HERC1: variants seen among roughly 807,000 people sequenced by gnomAD.
The protein encoded by HERC1 is HECT and RLD domain containing E3 ubiquitin protein ligase family member 1, also known as probable E3 ubiquitin-protein ligase HERC1.
HERC1 carries 160 observed loss-of-function variants against 554.3 expected under a neutral mutation model. That is an observed-to-expected ratio of 0.29 (90% confidence interval 0.25 to 0.33). The LOEUF (loss-of-function observed/expected upper bound fraction) is 0.33. Among genes scored for constraint, HERC1 ranks in the 10% least tolerant of loss-of-function variants. The probability of loss-of-function intolerance (pLI) is 1.00; values close to 1 mark genes in which losing one functional copy is unlikely to be tolerated. For synonymous variants in HERC1, 2,175 were observed against 2,131.7 expected (o/e 1.02, Z -0.56); for missense variants, 4,919 against 5,918.5 (o/e 0.83, Z 5.54).
In HERC1 at chr15:63,609,288, C is replaced by T. The variant is rs562051534; in HGVS notation, c.14401-22G>A. 125 of 1,585,580 alleles carry T rather than the reference C, an allele frequency of 7.9e-5. No individual in the cohort carries two copies. The East Asian group carries it at 2.0e-3, about 25-fold the overall frequency. On this transcript the variant is annotated intron_variant, in intron 77 of 77. Transcript: ENST00000443617. ...AAGGCTGTGGAGAGAGACCCAGAGC[C>T]GTGACTGGGGACATCAGAGTGCCAT...
At chr15:63,743,000 T>C (rs1394636000) in intron 12 of HERC1, among the ~76,000 whole-genome samples, 1 of 152,178 alleles carries the variant, frequency 6.6e-6, no homozygotes, top group African/African-American at 2.4e-5. Flanking sequence ...CAAAATATAG[T>C]TGGGAAGTAT....
At chr15:63,716,547 AT>A in intron 21 of HERC1, 74 bp from the exon 22 acceptor site, 1 of 1,226,784 alleles carries the variant, frequency 8.2e-7, no homozygotes, top group Non-Finnish European at 1.1e-6. Context: ...AAAACCTTTA[AT>A]TTTTTATCAT....
Position 63,734,894 on chromosome 15 carries a change from T to C in HERC1, c.2521-45A>G, listed in dbSNP as rs1186502249. On this transcript the variant is annotated intron_variant, in intron 12 of 77. Transcript: ENST00000443617. The surrounding 1 kb of genome is among the most constrained non-coding windows in gnomAD (Gnocchi z 4.6). ...GTATACTGATTGGCCTGGTTCTTAG[T>C]TTTTAATAAAAACACACTTAAAGCG... The C allele has an allele frequency of 2.6e-6, 4 of 1,556,496 alleles. No individual in the cohort carries two copies. The highest frequency in any genetic ancestry group is 1.2e-5 in the South Asian group (1 of 84,672).
chr15:63,817,081 T>C (rs1689306717), intron 1 of HERC1, among the ~76,000 whole-genome samples: 1 of 152,090 alleles, frequency 6.6e-6, no homozygotes, highest in Non-Finnish European at 1.5e-5. Context: ...GGGAAACTTA[T>C]CAGGGCAAAC....
In HERC1 at chr15:63,674,453, G is replaced by A. The variant is rs771810276; in HGVS notation, c.7735C>T (p.Pro2579Ser). 34 of 1,613,766 alleles carry A rather than the reference G, an allele frequency of 2.1e-5. No individual in the cohort carries two copies. In the Admixed American group the frequency reaches 5.2e-4, roughly 25 times the overall value. The part of the protein sequence containing the change: ...HMVKRAVMRS[P>S]IKRALGLADL... The stretch of plus-strand genomic sequence containing the variant: ...GCTAATCCCAATGCTCTCTTTATGG[G>A]TGACCGCATGACTGCTCGCTTCACC... The change falls in exon 38 of 78, where the codon CCC (proline) becomes TCC (serine). Residue 2579 changes from proline to serine, a missense_variant. This residue lies in a region of HERC1 where 1,963 missense variants were observed against 2,228.6 expected (regional missense o/e 0.88). Coordinates refer to ENST00000443617, the MANE Select transcript of HERC1 (RefSeq NM_003922.4).
Position 63,656,070 on chromosome 15 carries a change from G to A in HERC1, c.9870+18C>T, listed in dbSNP as rs766628646. 6.8e-5 allele frequency: 110 copies of A among 1,608,022 alleles called. No homozygotes were observed. Among genetic ancestry groups the A allele is most frequent in the Non-Finnish European group, 9.2e-5 (108 of 1,175,504 alleles). On this transcript the variant is annotated intron_variant, in intron 49 of 77. Coordinates refer to ENST00000443617, the MANE Select transcript of HERC1 (RefSeq NM_003922.4). ...GAAATAATCAATGTAACGGGGAAAA[G>A]TACTGAAAGTAGCTTACCTGTGTAC...
At chr15:63,713,701 A>G in intron 22 of HERC1, 36 bp from the exon 23 acceptor site, 1 of 1,536,978 alleles carries the variant, frequency 6.5e-7, no homozygotes, top group South Asian at 1.2e-5. Context: ...GTCTTAACAC[A>G]TGGGGAGAGA....
intron 1 of HERC1, among the ~76,000 whole-genome samples, chr15:63,818,885 C>T (rs2077587390): frequency 6.6e-6 from 1 of 152,110 alleles, no homozygotes; most frequent in East Asian, 1.9e-4. Flanking sequence ...TTACTGCAGC[C>T]TACTAGTAGG....
intron 70 of HERC1, 38 bp from the exon 71 acceptor site, chr15:63,626,192 G>C: frequency 6.3e-7 from 1 of 1,594,626 alleles, no homozygotes; most frequent in East Asian, 2.2e-5. Flanking sequence ...GAAGGAAACA[G>C]CATTGCTTTC....
At chr15:63,791,672 T>C (rs992620819) in intron 1 of HERC1, among the ~76,000 whole-genome samples, 1 of 152,192 alleles carries the variant, frequency 6.6e-6, no homozygotes, top group Non-Finnish European at 1.5e-5. Flanking sequence ...CCTTCAGTTC[T>C]AAAACACTTA....
rs1481772069 is a variant in HERC1 at position 63,725,258 on chromosome 15, C to T, written c.3568+34G>A. Reference sequence around the variant, plus strand: ...AATCTCCAACTGAGGTACAAACAGGCATGTATTTTAAATGCTGCAGAGAAG... The same window carrying T: ...AATCTCCAACTGAGGTACAAACAGGTATGTATTTTAAATGCTGCAGAGAAG... On this transcript the variant is annotated intron_variant, in intron 18 of 77. Transcript: ENST00000443617. 3 of 1,562,554 alleles carry T rather than the reference C, an allele frequency of 1.9e-6. No individual in the cohort carries two copies. In the East Asian group the frequency reaches 6.7e-5, roughly 35 times the overall value.
intron 5 of HERC1, among the ~76,000 whole-genome samples, chr15:63,755,794 G>A (rs1322488657): frequency 6.6e-6 from 1 of 151,948 alleles, no homozygotes; most frequent in African/African-American, 2.4e-5. Context: ...AAGAAAGAAA[G>A]AAAAGAGAGG....
Position 63,747,705 on chromosome 15 carries a change from A to T in HERC1, c.2354+19T>A. The T allele has an allele frequency of 6.7e-7, 1 of 1,482,892 alleles. No individual in the cohort carries two copies. The highest frequency in any genetic ancestry group is 9.2e-7 in the Non-Finnish European group (1 of 1,085,864). 91.9% of individuals were successfully genotyped at this position (1,482,892 alleles called of 1,614,324 possible). On this transcript the variant is annotated intron_variant, in intron 11 of 77. Coordinates refer to ENST00000443617, the MANE Select transcript of HERC1 (RefSeq NM_003922.4). Reference sequence around the variant, plus strand: ...GCGCACACACACACACAAAGATACAAAACATACATATAACATACCTTGATG... The same window carrying T: ...GCGCACACACACACACAAAGATACATAACATACATATAACATACCTTGATG...
chr15:63,831,427 T>G (rs1386185835), intron 1 of HERC1, among the ~76,000 whole-genome samples: 1 of 152,208 alleles, frequency 6.6e-6, no homozygotes, highest in Non-Finnish European at 1.5e-5. Flanking sequence ...ATTTACAATT[T>G]TTAAAAATAG....
intron 14 of HERC1, among the ~76,000 whole-genome samples, chr15:63,731,769 A>G (rs16947404): frequency 0.029 from 4,489 of 152,262 alleles, 231 homozygotes; most frequent in African/African-American, 0.1. Flanking sequence ...AAGTTAAGTT[A>G]CACAGTACAC....
chr15:63,733,198 G>T, intron 13 of HERC1, 53 bp from the exon 14 acceptor site: 2 of 1,170,238 alleles, frequency 1.7e-6, no homozygotes, highest in South Asian at 2.5e-5. Context: ...CACTAGAAAA[G>T]AACACAAAAG....
chr15:63,782,134 C>T (rs919224994), intron 1 of HERC1, among the ~76,000 whole-genome samples: 2 of 152,322 alleles, frequency 1.3e-5, no homozygotes, highest in Admixed American at 6.5e-5. Context: ...AGAATATCTA[C>T]CTAAGGTAAC....
Position 63,737,467 on chromosome 15 carries a change from ATATC to A in HERC1, c.2521-2622_2521-2619del, listed in dbSNP as rs1254345231. ...ATCTTTTTTCCAGATATATATATATATATCTTTTTTCCAGATATATATATATACA... is the reference window on the plus strand; with the variant it reads ...ATCTTTTTTCCAGATATATATATATATTTTTTCCAGATATATATATATACA... On this transcript the variant is annotated intron_variant, in intron 12 of 77. Transcript: ENST00000443617. Among the ~76,000 whole-genome samples, 5 of 120,178 alleles carry A rather than the reference ATATC, an allele frequency of 4.2e-5. No individual in the cohort carries two copies. In the East Asian group the frequency reaches 8.4e-4, roughly 20 times the overall value. 78.8% of individuals were successfully genotyped at this position (120,178 alleles called of 152,430 possible).
intron 2 of HERC1, among the ~76,000 whole-genome samples, chr15:63,771,010 G>A (rs775336179): frequency 6.6e-6 from 1 of 152,066 alleles, no homozygotes; most frequent in Non-Finnish European, 1.5e-5. Flanking sequence ...CCAACATGGT[G>A]AAACCCCGTC....
Sources: allele counts gnomAD v4.1 joint callset (sites outside exome capture counted in the v4.1 genomes callset), GRCh38; gene constraint gnomAD v4.1.1; regional missense constraint gnomAD v4.1.1; non-coding constraint Gnocchi (gnomAD v3.1); transcripts MANE v1.5; gene names NCBI Gene and HGNC (gene_info 2026-07-23, HGNC 2026-07-21).